TBC1D19: variants seen among roughly 807,000 people sequenced by gnomAD.
TBC1D19 encodes the protein TBC1 domain family member 19.
A neutral mutation model predicts 89.0 loss-of-function variants in TBC1D19; 60 were observed. The observed-to-expected ratio is 0.67, with a 90% CI of 0.55 to 0.84. TBC1D19 has a LOEUF of 0.84. Ranked by LOEUF, TBC1D19 falls within the 40% of genes least tolerant of loss-of-function variation. The pLI, the probability that TBC1D19 is intolerant of heterozygous loss-of-function variation, is 0.00. For synonymous variants in TBC1D19, 189 were observed against 199.7 expected, an observed-to-expected ratio of 0.95 and a Z score of 0.45; for missense variants, 500 against 610.8, an observed-to-expected ratio of 0.82 and a Z score of 1.91.
At chr4:26,599,954 A>T (rs1416513217) in intron 1 of TBC1D19, among the ~76,000 whole-genome samples, 1 of 149,850 alleles carries the variant, frequency 6.7e-6, no homozygotes, top group African/African-American at 2.4e-5. Flanking sequence ...TCTCTCCAAA[A>T]AAAAAAAAAA....
chr4:26,818,190 G>A, the TBC1D19 span, among the ~76,000 whole-genome samples: 1 of 151,604 alleles, frequency 6.6e-6, no homozygotes, highest in African/African-American at 2.4e-5. Context: ...ATCTTCAAAC[G>A]GTGTTGGAAT....
chr4:26,767,020 C>T, the TBC1D19 span, among the ~76,000 whole-genome samples: 62 of 152,038 alleles, frequency 4.1e-4, no homozygotes, highest in Middle Eastern at 6.8e-3. Flanking sequence ...AATAAATCTG[C>T]GAGACCAGGC....
chr4:26,807,641 A>C, the TBC1D19 span, among the ~76,000 whole-genome samples: 1 of 152,132 alleles, frequency 6.6e-6, no homozygotes, highest in Non-Finnish European at 1.5e-5. Context: ...TCCCATCTGC[A>C]TGTGGCATTA....
the TBC1D19 span, among the ~76,000 whole-genome samples, chr4:26,813,854 T>C: frequency 6.6e-6 from 1 of 152,126 alleles, no homozygotes; most frequent in Non-Finnish European, 1.5e-5. Flanking sequence ...AGGCTCTGGC[T>C]GAAGAACTGA....
chr4:26,759,378 A>G (rs1719383750), downstream of TBC1D19, among the ~76,000 whole-genome samples: 1 of 152,260 alleles, frequency 6.6e-6, no homozygotes, highest in Admixed American at 6.5e-5. Flanking sequence ...CCAAAAGGAA[A>G]GAATATTTTC....
At position 26,692,648 on chromosome 4, in the gene TBC1D19, C is replaced by T. The variant is rs116626758; in HGVS notation, c.954+4241C>T. ...AGGAAAGTTCCAACCTAATGGGTCT[C>T]TGAACAATGAAGATTTTAATAGCAA... On this transcript the variant is annotated intron_variant, in intron 13 of 20. Transcript: ENST00000264866. 9.3e-3 allele frequency among the ~76,000 whole-genome samples: 1,418 copies of T among 152,250 alleles called. 13 individuals carry two copies. The highest frequency in any genetic ancestry group is 0.013 in the Non-Finnish European group (900 of 68,002).
chr4:26,786,006 G>A, the TBC1D19 span, among the ~76,000 whole-genome samples: 1 of 152,182 alleles, frequency 6.6e-6, no homozygotes, highest in Non-Finnish European at 1.5e-5. Context: ...ACAATCTCAA[G>A]GCTAAAGCTC....
intron 20 of TBC1D19, among the ~76,000 whole-genome samples, 168 bp from the exon 21 acceptor site, chr4:26,754,705 A>T (rs1397180981): frequency 1.3e-5 from 2 of 152,236 alleles, no homozygotes; most frequent in Admixed American, 6.5e-5. Flanking sequence ...TTGCACATGT[A>T]CTAACATTAA....
At chr4:26,821,106 G>A in the TBC1D19 span, among the ~76,000 whole-genome samples, 2 of 152,224 alleles carry the variant, frequency 1.3e-5, no homozygotes, top group East Asian at 1.9e-4. Flanking sequence ...AATCAAGCAT[G>A]CACATGAAGA....
At chr4:26,769,458 C>T in the TBC1D19 span, among the ~76,000 whole-genome samples, 1 of 151,756 alleles carries the variant, frequency 6.6e-6, no homozygotes, top group Non-Finnish European at 1.5e-5. Flanking sequence ...AATAATAAAT[C>T]ATGAGATTTA....
the TBC1D19 span, among the ~76,000 whole-genome samples, chr4:26,788,136 C>T: frequency 1.3e-5 from 2 of 152,086 alleles, no homozygotes; most frequent in South Asian, 4.2e-4. Flanking sequence ...CTGATTTTCA[C>T]GGCATGGTTC....
chr4:26,806,361 T>C, the TBC1D19 span, among the ~76,000 whole-genome samples: 2 of 152,210 alleles, frequency 1.3e-5, no homozygotes, highest in Non-Finnish European at 2.9e-5. Flanking sequence ...ATGGGGATAA[T>C]AGTACTACAT....
At chr4:26,675,396 G>GA (rs1431077753) in intron 11 of TBC1D19, among the ~76,000 whole-genome samples, 1 of 151,826 alleles carries the variant, frequency 6.6e-6, no homozygotes, top group Non-Finnish European at 1.5e-5. Context: ...CTTGTAAAAA[G>GA]AAAAAAATTT....
upstream of TBC1D19, among the ~76,000 whole-genome samples, chr4:26,579,583 G>A (rs988596897): frequency 6.6e-6 from 1 of 151,318 alleles, no homozygotes; most frequent in Admixed American, 6.6e-5. Context: ...ATTGTGGTTT[G>A]CTGCACCTAT....
In TBC1D19 at chr4:26,590,796, G is replaced by GTTTTTTTTTTTTTTTTTTTT. The variant is rs869124166; in HGVS notation, c.99+6516_99+6535dup. ...GGTTCACTCTTTGTCTTGCAGGTCTGTTTTTTTTTTTTTTTTTTTTTTTTT... is the reference window on the plus strand; with the variant it reads ...GGTTCACTCTTTGTCTTGCAGGTCTGTTTTTTTTTTTTTTTTTTTTTTTTTTTTTTTTTTTTTTTTTTTTT... On this transcript the variant is annotated intron_variant, in intron 1 of 20. Coordinates refer to ENST00000264866, the MANE Select transcript of TBC1D19 (RefSeq NM_018317.4). Among the ~76,000 whole-genome samples the GTTTTTTTTTTTTTTTTTTTT allele has an allele frequency of 1.2e-3, 65 of 52,954 alleles. 6 individuals are homozygous for GTTTTTTTTTTTTTTTTTTTT. Among genetic ancestry groups the GTTTTTTTTTTTTTTTTTTTT allele is most frequent in the South Asian group, 1.7e-3 (2 of 1,200 alleles). 34.7% of individuals were successfully genotyped at this position (52,954 alleles called of 152,430 possible). A position where few individuals can be genotyped will look rare whatever the true frequency, so the allele number is the denominator to read the frequency against.
chr4:26,723,410 T>C (rs923951373), intron 15 of TBC1D19, among the ~76,000 whole-genome samples: 1 of 152,158 alleles, frequency 6.6e-6, no homozygotes, highest in Non-Finnish European at 1.5e-5. Context: ...TTTCTTGGTC[T>C]CAGGGGACCA....
At chr4:26,762,107 G>A in the TBC1D19 span, among the ~76,000 whole-genome samples, 1 of 152,282 alleles carries the variant, frequency 6.6e-6, no homozygotes, top group South Asian at 2.1e-4. Flanking sequence ...CCGCACTTTG[G>A]CCTGAGTGAC....
intron 4 of TBC1D19, among the ~76,000 whole-genome samples, chr4:26,629,767 A>G (rs1330378859): frequency 3.3e-5 from 5 of 152,032 alleles, no homozygotes; most frequent in Non-Finnish European, 7.4e-5. Flanking sequence ...ATTATAATGA[A>G]TAGGAAAAGG....
intron 7 of TBC1D19, among the ~76,000 whole-genome samples, chr4:26,646,048 G>A (rs1403499012): frequency 4.7e-5 from 7 of 150,408 alleles, no homozygotes; most frequent in Non-Finnish European, 7.4e-5. Context: ...GCGTGACCCC[G>A]GGAGGCGGAG....
Sources: gnomAD v4.1 joint callset for allele counts (sites outside exome capture counted in the v4.1 genomes callset) on GRCh38, gnomAD v4.1.1 for gene constraint, MANE v1.5 for transcripts, NCBI Gene and HGNC (gene_info 2026-07-23, HGNC 2026-07-21) for gene names.